IPMK: variants seen among roughly 807,000 people sequenced by gnomAD.
IPMK encodes inositol 1,3,4,6-tetrakisphosphate 5-kinase.
In IPMK, 17 loss-of-function variants were observed where a neutral mutation model predicts 45.8. The ratio of observed to expected loss-of-function variants is 0.37; its 90% CI spans 0.25 to 0.56. The LOEUF is 0.56. Among genes scored for constraint, IPMK ranks in the 20% least tolerant of loss-of-function variants. The probability of loss-of-function intolerance (pLI) is 0.79; values close to 1 mark genes in which losing one functional copy is unlikely to be tolerated. For missense variants in IPMK, 399 were observed against 498.0 expected, an observed-to-expected ratio of 0.80 and a Z score of 1.89; for synonymous variants, 180 against 184.3, an observed-to-expected ratio of 0.98 and a Z score of 0.19.
At position 58,194,197 on chromosome 10, in the gene IPMK, A is replaced by G. The variant is rs1837858736; in HGVS notation, c.*1879T>C. 1 of 151,842 alleles carries G rather than the reference A, an allele frequency of 6.6e-6. No homozygotes were observed. The highest frequency in any genetic ancestry group is 2.4e-5 in the African/African-American group (1 of 41,430). The allele number at this position is 151,842 out of a possible 1,614,324, so 9.4% of individuals were successfully genotyped here. ...AGGTTGATATCATCCCATACAAAAA[A>G]AGCCTCAGTATCTTGTTAAGATTCA... is the stretch of plus-strand genomic sequence containing the variant. On this transcript the variant is annotated 3_prime_UTR_variant, in exon 6 of 6. Transcript: ENST00000373935.
rs1837861314 is a variant in IPMK, at chr10:58,194,362, A to C, written c.*1714T>G. 1 of 151,924 alleles carries C rather than the reference A, an allele frequency of 6.6e-6. No individual in the cohort carries two copies. The highest frequency in any genetic ancestry group is 6.5e-5 in the Admixed American group (1 of 15,270). 9.4% of individuals were successfully genotyped at this position (151,924 alleles called of 1,614,324 possible). ...AAATTCATTCCCGTTAAAACATAAA[A>C]CTATAGCCAATATCCATTCAAAAAG... is the stretch of plus-strand genomic sequence containing the variant. On this transcript the variant is annotated 3_prime_UTR_variant, in exon 6 of 6. Transcript: ENST00000373935.
At chr10:58,197,104 T>A (rs1047886658) in intron 5 of IPMK, among the ~76,000 whole-genome samples, 4 of 150,662 alleles carry the variant, frequency 2.7e-5, no homozygotes, top group African/African-American at 4.9e-5. Context: ...ATCCAGACCA[T>A]CCTGGCTAAC....
chr10:58,237,870 C>T, intron 1 of IPMK, 56 bp from the exon 2 acceptor site: 1 of 1,270,784 alleles, frequency 7.9e-7, no homozygotes, highest in Non-Finnish European at 1.2e-6. Flanking sequence ...AACCTTGCTT[C>T]ATTAAATAGA....
At chr10:58,209,197 C>A (rs1415018722) in intron 4 of IPMK, among the ~76,000 whole-genome samples, 1 of 152,188 alleles carries the variant, frequency 6.6e-6, no homozygotes, top group Admixed American at 6.5e-5. Flanking sequence ...CTATAGGTGC[C>A]TCCATGCTGC....
At chr10:58,235,467 C>G (rs570406450) in intron 2 of IPMK, among the ~76,000 whole-genome samples, 1 of 152,222 alleles carries the variant, frequency 6.6e-6, no homozygotes, top group Admixed American at 6.5e-5. Flanking sequence ...CCATATACAC[C>G]ATGGAATACT....
intron 1 of IPMK, among the ~76,000 whole-genome samples, chr10:58,243,169 T>G (rs1357141112): frequency 6.6e-6 from 1 of 152,164 alleles, no homozygotes; most frequent in Non-Finnish European, 1.5e-5. Flanking sequence ...CCCATGTTGA[T>G]TATAACATTA....
chr10:58,254,386 T>TA (rs1187611887), intron 1 of IPMK, among the ~76,000 whole-genome samples: 2 of 152,302 alleles, frequency 1.3e-5, no homozygotes, highest in East Asian at 1.9e-4. Context: ...CTCTCTTTTT[T>TA]AAAAAATCAC....
intron 5 of IPMK, among the ~76,000 whole-genome samples, chr10:58,197,103 A>G (rs909540171): frequency 6.0e-5 from 9 of 151,250 alleles, no homozygotes; most frequent in African/African-American, 2.2e-4. Flanking sequence ...GATCCAGACC[A>G]TCCTGGCTAA....
chr10:58,250,713 T>A (rs1277107139), intron 1 of IPMK, among the ~76,000 whole-genome samples: 1 of 152,196 alleles, frequency 6.6e-6, no homozygotes, highest in Non-Finnish European at 1.5e-5. Context: ...GGACTTCCAC[T>A]CAAATAGGAG....
In IPMK at chr10:58,194,082, A is replaced by C. The variant is rs1837856391; in HGVS notation, c.*1994T>G. The C allele has an allele frequency of 6.6e-6, 1 of 151,898 alleles. No individual in the cohort carries two copies. The highest frequency in any genetic ancestry group is 2.1e-4 in the South Asian group (1 of 4,834). 9.4% of individuals were successfully genotyped at this position (151,898 alleles called of 1,614,324 possible). On this transcript the variant is annotated 3_prime_UTR_variant, in exon 6 of 6. Transcript: ENST00000373935. ...TTTACAAAATTGTATTTCCAAATGC[A>C]GATAAAAAAATCTTGAACATTAAGA...
intron 3 of IPMK, among the ~76,000 whole-genome samples, chr10:58,222,366 T>C (rs945485575): frequency 6.6e-6 from 1 of 152,244 alleles, no homozygotes; most frequent in African/African-American, 2.4e-5. Context: ...TAATTTTACA[T>C]ATCTATATAC....
chr10:58,260,016 G>A (rs1361909782), intron 1 of IPMK, among the ~76,000 whole-genome samples: 1 of 152,032 alleles, frequency 6.6e-6, no homozygotes, highest in Non-Finnish European at 1.5e-5. Flanking sequence ...CAGCAAAAAC[G>A]ATAACTTTCC....
At chr10:58,222,864 G>A (rs1838357670) in intron 3 of IPMK, among the ~76,000 whole-genome samples, 1 of 152,164 alleles carries the variant, frequency 6.6e-6, no homozygotes, top group Non-Finnish European at 1.5e-5. Context: ...GCTGATGATA[G>A]TATGAGATTA....
At chr10:58,238,450 C>G (rs2132165921) in intron 1 of IPMK, among the ~76,000 whole-genome samples, 1 of 152,260 alleles carries the variant, frequency 6.6e-6, no homozygotes, top group South Asian at 2.1e-4. Flanking sequence ...ATGAAGTCAT[C>G]ATATATATAC....
rs1396097334 is a variant in IPMK at position 58,195,185 on chromosome 10, G to A, written c.*891C>T. The A allele has an allele frequency of 6.6e-6, 1 of 151,692 alleles. No individual in the cohort carries two copies. The highest frequency in any genetic ancestry group is 1.5e-5 in the Non-Finnish European group (1 of 67,812). 9.4% of individuals were successfully genotyped at this position (151,692 alleles called of 1,614,324 possible). On this transcript the variant is annotated 3_prime_UTR_variant, in exon 6 of 6. Transcript: ENST00000373935. ...ACATATAAATACATAAATTTTTAAA[G>A]AAAAAAATTCAAGTTATTTAGAGGA...
intron 1 of IPMK, among the ~76,000 whole-genome samples, chr10:58,251,176 G>C (rs540149228): frequency 7.2e-5 from 11 of 152,232 alleles, no homozygotes; most frequent in African/African-American, 2.6e-4. Flanking sequence ...TGCATCCCAT[G>C]TGTTGGTATG....
chr10:58,244,448 G>A (rs1300753379), intron 1 of IPMK, among the ~76,000 whole-genome samples: 20 of 150,924 alleles, frequency 1.3e-4, no homozygotes, highest in South Asian at 8.5e-4. Flanking sequence ...GGGAGGTGAG[G>A]AGCACCTCTG....
intron 4 of IPMK, among the ~76,000 whole-genome samples, chr10:58,210,725 T>C (rs755729320): frequency 2.0e-5 from 3 of 152,220 alleles, no homozygotes; most frequent in Non-Finnish European, 4.4e-5. Flanking sequence ...AACTGTGATC[T>C]GGATTCTCAG....
At chr10:58,264,241 T>C (rs561924097) in intron 1 of IPMK, among the ~76,000 whole-genome samples, 4 of 152,320 alleles carry the variant, frequency 2.6e-5, no homozygotes, top group South Asian at 2.1e-4. Context: ...ATTATTTGCA[T>C]TGAGAGATAA....
Sources: gnomAD v4.1 joint callset for allele counts (sites outside exome capture counted in the v4.1 genomes callset) on GRCh38, gnomAD v4.1.1 for gene constraint, MANE v1.5 for transcripts, NCBI Gene and HGNC (gene_info 2026-07-23, HGNC 2026-07-21) for gene names.